The following TP53BP2 variants were observed in gnomAD, a reference collection of about 807,000 sequenced individuals.
The protein encoded by TP53BP2 is apoptosis-stimulating of p53 protein 2.
A neutral mutation model predicts 126.2 loss-of-function variants in TP53BP2; 62 were observed. The observed-to-expected ratio is 0.49, with a 90% CI of 0.40 to 0.61. The LOEUF is 0.61. Among genes scored for constraint, TP53BP2 ranks in the 20% least tolerant of loss-of-function variants. TP53BP2 has a pLI of 0.00. For missense variants in TP53BP2, 1,215 were observed against 1,402.8 expected, an observed-to-expected ratio of 0.87 and a Z score of 2.14; for synonymous variants, 485 against 502.9, an observed-to-expected ratio of 0.96 and a Z score of 0.48.
intron 1 of TP53BP2, among the ~76,000 whole-genome samples, chr1:223,832,537 C>T (rs1052079323): frequency 6.6e-6 from 1 of 152,180 alleles, no homozygotes; most frequent in Non-Finnish European, 1.5e-5. Flanking sequence ...CTTCCTATAA[C>T]CCAGTCAAGC....
At chr1:223,791,513 G>A (rs1662155683) in intron 15 of TP53BP2, among the ~76,000 whole-genome samples, 1 of 152,174 alleles carries the variant, frequency 6.6e-6, no homozygotes, top group African/African-American at 2.4e-5. Context: ...ATAAAAGGGA[G>A]ACCGTCACAA....
rs117919991 is a variant in TP53BP2 at position 223,793,825 on chromosome 1, C to G, written c.2725-385G>C. On this transcript the variant is annotated intron_variant, in intron 13 of 17. Coordinates refer to ENST00000343537, the MANE Select transcript of TP53BP2 (RefSeq NM_001031685.3). Reference sequence around the variant, plus strand: ...TTTAGACTGCCTATCTAATACAGTACAGCAAACTCCACTCTCTTAAAGTGA... The same window carrying G: ...TTTAGACTGCCTATCTAATACAGTAGAGCAAACTCCACTCTCTTAAAGTGA... 3.4e-4 allele frequency among the ~76,000 whole-genome samples: 52 copies of G among 152,280 alleles called. No homozygotes were observed. In the East Asian group the frequency reaches 6.8e-3, roughly 20 times the overall value.
chr1:223,796,212 T>G lies in TP53BP2; in HGVS notation c.2327A>C (p.Tyr776Ser). 6.2e-7 allele frequency: 1 copy of G among 1,614,134 alleles called. No homozygotes were observed. Among genetic ancestry groups the G allele is most frequent in the Non-Finnish European group, 8.5e-7 (1 of 1,180,016 alleles). ...AAMETISVPS[Y>S]PSKSASVTAS... ...AGTCACAGAAGCTGACTTGGATGGG[T>G]ATGATGGGACAGAGATGGTCTCCAT... Residue 776 changes from tyrosine to serine, a missense_variant, in exon 13 of 18, where the codon TAC becomes TCC. By Grantham distance (144) the Tyr-to-Ser change is moderately radical. Coordinates refer to ENST00000343537, the MANE Select transcript of TP53BP2 (RefSeq NM_001031685.3). This position sits in a 1 kb window ranked among gnomAD's most constrained non-coding sequence, Gnocchi z 4.2.
At chr1:223,786,722 T>C (rs1258274965) in intron 16 of TP53BP2, among the ~76,000 whole-genome samples, 1 of 151,128 alleles carries the variant, frequency 6.6e-6, no homozygotes, top group Non-Finnish European at 1.5e-5. Flanking sequence ...TTCTCCTGCC[T>C]CGGCCTCCCG....
chr1:223,831,477 AAAAATATATATATATAT>A (rs1303940846), intron 1 of TP53BP2, among the ~76,000 whole-genome samples: 54 of 42,026 alleles, frequency 1.3e-3, no homozygotes, highest in African/African-American at 5.7e-3. Context: ...AAAAAAAAAA[AAAAATATATATATATAT>A]ATATATATAT....
intron 9 of TP53BP2, among the ~76,000 whole-genome samples, chr1:223,801,387 T>C (rs924255511): frequency 1.3e-5 from 2 of 152,216 alleles, no homozygotes; most frequent in Admixed American, 1.3e-4. Context: ...TAACAAATAA[T>C]TTGAAAATCA....
At chr1:223,836,890 G>A (rs1053265616) in intron 1 of TP53BP2, among the ~76,000 whole-genome samples, 2 of 152,066 alleles carry the variant, frequency 1.3e-5, no homozygotes, top group Non-Finnish European at 2.9e-5. Flanking sequence ...AAACCTACCA[G>A]AGAAAGATCC....
At chr1:223,820,662 T>C (rs1415583) in intron 2 of TP53BP2, among the ~76,000 whole-genome samples, 78,551 of 151,934 alleles carry the variant, frequency 0.52, 22,439 homozygotes, top group African/African-American at 0.78. Context: ...CAGGAGTTCA[T>C]CCAGCCTGTG....
chr1:223,804,356 T>C lies in TP53BP2; in HGVS notation c.475-8A>G. The C allele has an allele frequency of 6.2e-7, 1 of 1,612,122 alleles. No individual in the cohort carries two copies. The highest frequency in any genetic ancestry group is 8.5e-7 in the Non-Finnish European group (1 of 1,179,570). ...AAACTTTAAGCGCTGTTCCTAAAAATAAAAGTAATCATTAGGTATGTCATT... is the reference window on the plus strand; with the variant it reads ...AAACTTTAAGCGCTGTTCCTAAAAACAAAAGTAATCATTAGGTATGTCATT... On this transcript the variant is annotated splice_region_variant and splice_polypyrimidine_tract_variant and intron_variant, in intron 5 of 17. Coordinates refer to ENST00000343537, the MANE Select transcript of TP53BP2 (RefSeq NM_001031685.3).
At chr1:223,792,007 T>A (rs1157170133) in intron 15 of TP53BP2, among the ~76,000 whole-genome samples, 2 of 152,192 alleles carry the variant, frequency 1.3e-5, no homozygotes. Flanking sequence ...TATAATCCCC[T>A]CTTGGAGATA....
chr1:223,794,519 G>A (rs1392334603), intron 13 of TP53BP2, among the ~76,000 whole-genome samples: 1 of 152,126 alleles, frequency 6.6e-6, no homozygotes, highest in Non-Finnish European at 1.5e-5. Flanking sequence ...ACCTTCCTAG[G>A]AAGAGAACAG....
chr1:223,810,447 C>T lies in TP53BP2; in HGVS notation c.356G>A (p.Arg119Gln), dbSNP rs755064996. The T allele has an allele frequency of 2.5e-5, 41 of 1,609,302 alleles. No individual in the cohort carries two copies. The South Asian group carries it at 3.1e-4, about 12-fold the overall frequency. Residue 119 changes from arginine (R) to glutamine (Q), a missense_variant, in exon 4 of 18, where the codon CGA becomes CAA. Around this residue, in one of 4 missense-constraint regions of TP53BP2, gnomAD observed 814 missense variants for 853.0 expected, o/e 0.95. Coordinates refer to ENST00000343537, the MANE Select transcript of TP53BP2 (RefSeq NM_001031685.3). ...RNGVKVPGEY[R>Q]RKENGVNSPR... ...ACAACTTACACCGTTCTCCTTTCTT[C>T]GATATTCACCAGGAACTTTTACACC...
rs755120653 is a variant in TP53BP2, at chr1:223,784,270, C to A, written c.3208G>T (p.Ala1070Ser). 6.2e-7 allele frequency: 1 copy of A among 1,614,184 alleles called. No individual in the cohort carries two copies. The highest frequency in any genetic ancestry group is 8.5e-7 in the Non-Finnish European group (1 of 1,180,036). ...MGIMNKGVIY[A>S]LWDYEPQNDD... The stretch of plus-strand genomic sequence containing the variant: ...TTCTGAGGTTCATAATCCCAAAGCG[C>A]ATAAATGACTCCTTTATTCATTATG... Residue 1070 changes from alanine (A) to serine (S), a missense_variant, in exon 17 of 18, where the codon GCG becomes TCG. Around this residue, in one of 4 missense-constraint regions of TP53BP2, gnomAD observed 151 missense variants for 231.2 expected, o/e 0.65. Coordinates refer to ENST00000343537, the MANE Select transcript of TP53BP2 (RefSeq NM_001031685.3).
rs1371239603 is a variant in TP53BP2, at chr1:223,802,971, A to G, written c.832-76T>C. On this transcript the variant is annotated intron_variant, in intron 7 of 17. Coordinates refer to ENST00000343537, the MANE Select transcript of TP53BP2 (RefSeq NM_001031685.3). Reference sequence around the variant, plus strand: ...TCTCAAACAGTTAATCACATGGTTAACTATTATATAATTTCTAAAAATATG... The same window carrying G: ...TCTCAAACAGTTAATCACATGGTTAGCTATTATATAATTTCTAAAAATATG... The G allele has an allele frequency of 2.0e-6, 3 of 1,490,438 alleles. No homozygotes were observed. In the African/African-American group the frequency reaches 4.2e-5, roughly 21 times the overall value. 92.3% of individuals were successfully genotyped at this position (1,490,438 alleles called of 1,614,324 possible).
At chr1:223,783,698 CATG>C (rs1280957306) in intron 17 of TP53BP2, among the ~76,000 whole-genome samples, 2 of 152,168 alleles carry the variant, frequency 1.3e-5, no homozygotes, top group Admixed American at 6.5e-5. Context: ...TACGTGCTGG[CATG>C]ATATTATTTT....
At chr1:223,808,973 T>A (rs1327970026) in intron 4 of TP53BP2, among the ~76,000 whole-genome samples, 1 of 152,128 alleles carries the variant, frequency 6.6e-6, no homozygotes, top group African/African-American at 2.4e-5. Flanking sequence ...TACCAAACTT[T>A]GGCAAGGATG....
chr1:223,788,415 T>C (rs1571837765), intron 16 of TP53BP2, among the ~76,000 whole-genome samples: 1 of 152,170 alleles, frequency 6.6e-6, no homozygotes, highest in Non-Finnish European at 1.5e-5. Context: ...CAAAAAAAAT[T>C]TTCCTTGTAT....
intron 15 of TP53BP2, among the ~76,000 whole-genome samples, chr1:223,790,914 T>C (rs768619207): frequency 4.6e-5 from 7 of 152,164 alleles, no homozygotes; most frequent in African/African-American, 1.4e-4. Context: ...CAGAACACTA[T>C]TATTAAATAG....
chr1:223,845,025 C>T (rs1200622609), intron 1 of TP53BP2, among the ~76,000 whole-genome samples: 1 of 152,194 alleles, frequency 6.6e-6, no homozygotes, highest in African/African-American at 2.4e-5. Flanking sequence ...TGTCAAAAGC[C>T]TGCGGAGCTC....
Sources: allele counts gnomAD v4.1 joint callset (sites outside exome capture counted in the v4.1 genomes callset), GRCh38; gene constraint gnomAD v4.1.1; regional missense constraint gnomAD v4.1.1; non-coding constraint Gnocchi (gnomAD v3.1); transcripts MANE v1.5; gene names NCBI Gene and HGNC (gene_info 2026-07-23, HGNC 2026-07-21).